ZSWIM5: variants seen among roughly 807,000 people sequenced by gnomAD.
The protein encoded by ZSWIM5 is zinc finger SWIM-type containing 5, also known as zinc finger SWIM domain-containing protein 5.
In ZSWIM5, 55 loss-of-function variants were observed where a neutral mutation model predicts 119.6. The ratio of observed to expected loss-of-function variants is 0.46; its 90% CI spans 0.37 to 0.58. ZSWIM5 has a LOEUF of 0.58. ZSWIM5 is among the 20% of genes least tolerant of loss of function. The pLI is 0.00. For missense variants in ZSWIM5, 1,193 were observed against 1,512.8 expected (o/e 0.79, Z 3.51); for synonymous variants, 537 against 606.9 (o/e 0.88, Z 1.69).
intron 1 of ZSWIM5, among the ~76,000 whole-genome samples, chr1:45,128,930 T>A (rs1570129118): frequency 1.3e-5 from 2 of 152,186 alleles, no homozygotes. Flanking sequence ...TCACTTAATA[T>A]GCATTCAAAG....
intron 1 of ZSWIM5, among the ~76,000 whole-genome samples, chr1:45,157,787 A>C (rs1645839053): frequency 6.6e-6 from 1 of 152,180 alleles, no homozygotes; most frequent in Non-Finnish European, 1.5e-5. Context: ...TTATATTCCC[A>C]ATGACAATGT....
chr1:45,067,439 CAAAAAAA>C (rs35391088), intron 2 of ZSWIM5, among the ~76,000 whole-genome samples: 4 of 140,700 alleles, frequency 2.8e-5, no homozygotes, highest in African/African-American at 1.1e-4. Flanking sequence ...GACCCTGCCT[CAAAAAAA>C]AAAAAAAAGA....
intron 1 of ZSWIM5, among the ~76,000 whole-genome samples, chr1:45,143,877 A>T (rs346715): frequency 0.087 from 9,658 of 110,414 alleles, 349 homozygotes; most frequent in East Asian, 0.25. Flanking sequence ...AACATAAATT[A>T]AAAAAAAAAA....
intron 1 of ZSWIM5, among the ~76,000 whole-genome samples, chr1:45,150,957 T>A (rs1480983187): frequency 6.6e-6 from 1 of 152,162 alleles, no homozygotes; most frequent in African/African-American, 2.4e-5. Context: ...CCAGCATGAC[T>A]CCTGATCTTC....
Position 45,028,054 on chromosome 1 carries a change from T to C in ZSWIM5, c.2449+6258A>G, listed in dbSNP as rs187457916. 1.3e-3 allele frequency among the ~76,000 whole-genome samples: 205 copies of C among 152,288 alleles called. 2 individuals carry two copies. Among genetic ancestry groups the C allele is most frequent in the Non-Finnish European group, 1.8e-4 (12 of 68,020 alleles). Reference sequence around the variant, plus strand: ...TTAGTACAGGCAGGGTTTTGCCATGTTGGCCAGGCTGGTCTCGAACTCCTG... The same window carrying C: ...TTAGTACAGGCAGGGTTTTGCCATGCTGGCCAGGCTGGTCTCGAACTCCTG... On this transcript the variant is annotated intron_variant, in intron 11 of 13. Coordinates refer to ENST00000359600, the MANE Select transcript of ZSWIM5 (RefSeq NM_020883.2).
intron 1 of ZSWIM5, among the ~76,000 whole-genome samples, chr1:45,125,049 A>G (rs1051181328): frequency 2.1e-5 from 3 of 146,146 alleles, no homozygotes; most frequent in African/African-American, 8.4e-5. Flanking sequence ...CAAGGAATAA[A>G]TATATAGAAG....
Position 45,018,653 on chromosome 1 carries a change from A to G in ZSWIM5, c.3359T>C (p.Ile1120Thr). The G allele has an allele frequency of 6.2e-7, 1 of 1,614,186 alleles. No homozygotes were observed. The highest frequency in any genetic ancestry group is 8.5e-7 in the Non-Finnish European group (1 of 1,180,044). Residue 1120 changes from isoleucine to threonine, a missense_variant, in exon 14 of 14, where the codon ATC becomes ACC. Physicochemically the swap from Ile to Thr is moderately conservative, Grantham distance 89. This residue lies in a region of ZSWIM5 where 961 missense variants were observed against 1,290.0 expected (regional missense o/e 0.74). Coordinates refer to ENST00000359600, the MANE Select transcript of ZSWIM5 (RefSeq NM_020883.2). This position sits in a 1 kb window ranked among gnomAD's most constrained non-coding sequence, Gnocchi z 6.7. Reference protein sequence around the residue: ...QLLDATINAYINTTHSRLTHI... With the variant: ...QLLDATINAYTNTTHSRLTHI... ...TGTTAGGCGTGAGTGTGTAGTGTTG[A>G]TATAGGCATTGATGGTGGCATCCAG...
intron 1 of ZSWIM5, among the ~76,000 whole-genome samples, chr1:45,132,290 C>A (rs1219502379): frequency 6.6e-6 from 1 of 152,076 alleles, no homozygotes; most frequent in Non-Finnish European, 1.5e-5. Context: ...TTTATAATAG[C>A]TTCCCTGGCT....
intron 4 of ZSWIM5, 73 bp from the exon 5 acceptor site, chr1:45,051,326 C>T: frequency 1.4e-6 from 2 of 1,394,420 alleles, no homozygotes; most frequent in Non-Finnish European, 1.9e-6. Context: ...GTTTCAGTTT[C>T]ATTTTTAGAT....
At chr1:45,134,219 G>A (rs920936471) in intron 1 of ZSWIM5, among the ~76,000 whole-genome samples, 6 of 151,950 alleles carry the variant, frequency 3.9e-5, no homozygotes, top group South Asian at 2.1e-4. Flanking sequence ...CCATTTTCAC[G>A]ATACTGATTC....
At chr1:45,117,861 T>C (rs540626883) in intron 1 of ZSWIM5, among the ~76,000 whole-genome samples, 183 of 152,294 alleles carry the variant, frequency 1.2e-3, no homozygotes, top group Non-Finnish European at 1.3e-3. Context: ...TCAATCTATA[T>C]CAGTTTGTAT....
chr1:45,026,292 C>A (rs893835307), intron 11 of ZSWIM5, among the ~76,000 whole-genome samples: 67 of 152,294 alleles, frequency 4.4e-4, no homozygotes, highest in African/African-American at 1.4e-3. Flanking sequence ...ATCTTGGCCT[C>A]CCAAAGTGCT....
chr1:45,156,796 C>G (rs1321376269), intron 1 of ZSWIM5, among the ~76,000 whole-genome samples: 2 of 150,408 alleles, frequency 1.3e-5, no homozygotes, highest in African/African-American at 2.4e-5. Flanking sequence ...CAAATGGCAT[C>G]TAGATTGGAA....
In ZSWIM5 at chr1:45,019,993, T is replaced by C. The variant is rs1644876970; in HGVS notation, c.2695+73A>G. 1.5e-6 allele frequency: 2 copies of C among 1,292,160 alleles called. No homozygotes were observed. Among genetic ancestry groups the C allele is most frequent in the South Asian group, 2.4e-5 (2 of 82,182 alleles). The allele number at this position is 1,292,160 out of a possible 1,614,324, so 80.0% of individuals were successfully genotyped here. ...CATAGGAATATGAGAGCTCTAAGGA[T>C]TGATTGTCCTGTCCCAAGAGTAGGG... is the stretch of plus-strand genomic sequence containing the variant. On this transcript the variant is annotated intron_variant, in intron 13 of 13. Coordinates refer to ENST00000359600, the MANE Select transcript of ZSWIM5 (RefSeq NM_020883.2). This position sits in a 1 kb window ranked among gnomAD's most constrained non-coding sequence, Gnocchi z 5.0.
chr1:45,050,432 T>A (rs1645082582), intron 5 of ZSWIM5, among the ~76,000 whole-genome samples: 1 of 152,150 alleles, frequency 6.6e-6, no homozygotes, highest in South Asian at 2.1e-4. Context: ...AGGCTCTCAA[T>A]AGGCTAAAGA....
intron 1 of ZSWIM5, among the ~76,000 whole-genome samples, chr1:45,129,501 C>CT (rs1353501402): frequency 2.6e-5 from 4 of 152,010 alleles, no homozygotes; most frequent in Admixed American, 1.3e-4. Flanking sequence ...GTTTCTCTTT[C>CT]TTTTTTTGGT....
In ZSWIM5 at chr1:45,043,248, A is replaced by T. The variant is rs1397979373; in HGVS notation, c.1580T>A (p.Phe527Tyr). 6.2e-7 allele frequency: 1 copy of T among 1,613,976 alleles called. No homozygotes were observed. The highest frequency in any genetic ancestry group is 1.7e-5 in the Admixed American group (1 of 60,018). Residue 527 changes from phenylalanine (F) to tyrosine (Y), a missense_variant, in exon 6 of 14, where the codon TTT becomes TAT. By Grantham distance (22) the Phe-to-Tyr change is conservative. Coordinates refer to ENST00000359600, the MANE Select transcript of ZSWIM5 (RefSeq NM_020883.2). ...ACQRESERLLFNSQGQPLWLE... is the reference protein window; with the variant it reads ...ACQRESERLLYNSQGQPLWLE... The stretch of plus-strand genomic sequence containing the variant: ...CCACAGTGGCTGGCCTTGGGAATTA[A>T]AGAGTAGTCTTTCACTTTCCCGCTG...
intron 1 of ZSWIM5, among the ~76,000 whole-genome samples, chr1:45,180,045 C>T (rs551672734): frequency 1.3e-5 from 2 of 152,234 alleles, no homozygotes; most frequent in Non-Finnish European, 2.9e-5. Context: ...TCTGAGGTAC[C>T]GGGTTCATCT....
chr1:45,082,099 T>C (rs968007096), intron 2 of ZSWIM5, among the ~76,000 whole-genome samples: 26 of 152,138 alleles, frequency 1.7e-4, no homozygotes, highest in African/African-American at 6.0e-4. Flanking sequence ...CGATGCAAGA[T>C]GTGCTTTGTT....
Sources: gnomAD v4.1 joint callset for allele counts (sites outside exome capture counted in the v4.1 genomes callset) on GRCh38, gnomAD v4.1.1 for gene constraint, gnomAD v4.1.1 regional missense constraint, Gnocchi (gnomAD v3.1) non-coding constraint, MANE v1.5 for transcripts, NCBI Gene and HGNC (gene_info 2026-07-23, HGNC 2026-07-21) for gene names.